The following WWOX variants were observed in gnomAD, a reference collection of about 807,000 sequenced individuals.
The protein encoded by WWOX is WW domain-containing oxidoreductase.
A neutral mutation model predicts 46.2 loss-of-function variants in WWOX; 69 were observed. The observed-to-expected ratio is 1.49, with a 90% CI of 1.23 to 1.82. WWOX has a LOEUF of 1.82. Among genes scored for constraint, WWOX ranks in the 40% most tolerant of loss-of-function variants. The pLI is 0.00. For synonymous variants in WWOX, 359 were observed against 202.6 expected, an observed-to-expected ratio of 1.77 and a Z score of -6.56; for missense variants, 919 against 542.6, an observed-to-expected ratio of 1.69 and a Z score of -6.89.
chr16:78,316,130 A>T (rs2080352053), intron 5 of WWOX, among the ~76,000 whole-genome samples: 1 of 152,046 alleles, frequency 6.6e-6, no homozygotes, highest in African/African-American at 2.4e-5. Flanking sequence ...CTGTGGTCCC[A>T]GCTACTTGGG....
At chr16:78,152,879 C>T (rs1019067731) in intron 4 of WWOX, among the ~76,000 whole-genome samples, 1 of 148,454 alleles carries the variant, frequency 6.7e-6, no homozygotes, top group Non-Finnish European at 1.5e-5. Flanking sequence ...TGAACTGACC[C>T]GTTTCCCACT....
chr16:79,009,788 A>C (rs1190880880), intron 8 of WWOX, among the ~76,000 whole-genome samples: 7 of 152,150 alleles, frequency 4.6e-5, no homozygotes, highest in Non-Finnish European at 1.0e-4. Context: ...GAATGGTGCA[A>C]CCATGGTACA....
chr16:79,138,576 G>C (rs11647803), intron 8 of WWOX, among the ~76,000 whole-genome samples: 33,360 of 152,086 alleles, frequency 0.22, 5,138 homozygotes, highest in African/African-American at 0.43. Context: ...GATTAGGCCC[G>C]TTATTAGGGT....
chr16:78,116,470 G>A (rs935988382), intron 4 of WWOX, among the ~76,000 whole-genome samples: 5 of 152,150 alleles, frequency 3.3e-5, no homozygotes, highest in African/African-American at 1.2e-4. Flanking sequence ...AGGTAAAGAA[G>A]CAAATGGAAA....
At chr16:78,942,706 G>C (rs2045876168) in intron 8 of WWOX, among the ~76,000 whole-genome samples, 1 of 152,156 alleles carries the variant, frequency 6.6e-6, no homozygotes, top group African/African-American at 2.4e-5. Context: ...TTAACTAACT[G>C]AACTTGATGG....
intron 8 of WWOX, among the ~76,000 whole-genome samples, chr16:78,799,687 A>G (rs756088639): frequency 3.3e-5 from 5 of 152,084 alleles, no homozygotes; most frequent in Non-Finnish European, 7.4e-5. Flanking sequence ...CTGCTCTTTT[A>G]TGCTGCCTGC....
At chr16:79,121,958 C>G (rs538184245) in intron 8 of WWOX, among the ~76,000 whole-genome samples, 1 of 152,110 alleles carries the variant, frequency 6.6e-6, no homozygotes, top group Non-Finnish European at 1.5e-5. Flanking sequence ...ACCCTACTTA[C>G]GTGCTACGGA....
chr16:79,125,577 G>A (rs868469334), intron 8 of WWOX, among the ~76,000 whole-genome samples: 25 of 152,148 alleles, frequency 1.6e-4, no homozygotes, highest in African/African-American at 6.0e-4. Flanking sequence ...CCATCCGTGT[G>A]GCAAATGTAG....
intron 8 of WWOX, among the ~76,000 whole-genome samples, chr16:79,151,805 T>A (rs12446803): frequency 0.35 from 53,409 of 152,014 alleles, 9,902 homozygotes; most frequent in East Asian, 0.52. Flanking sequence ...GGCAAGAAAA[T>A]CCATGGCCTC....
intron 8 of WWOX, among the ~76,000 whole-genome samples, chr16:78,766,209 A>C (rs983075481): frequency 6.6e-6 from 1 of 152,192 alleles, no homozygotes; most frequent in African/African-American, 2.4e-5. Flanking sequence ...GGGCTACTCA[A>C]AAAAGGATTC....
At chr16:78,548,384 C>T (rs1395520700) in intron 8 of WWOX, among the ~76,000 whole-genome samples, 4 of 151,984 alleles carry the variant, frequency 2.6e-5, no homozygotes, top group East Asian at 1.9e-4. Flanking sequence ...ATGTGACTCA[C>T]GCAGAGCAGA....
intron 8 of WWOX, among the ~76,000 whole-genome samples, chr16:78,649,382 C>G (rs978955561): frequency 3.9e-5 from 6 of 152,126 alleles, no homozygotes; most frequent in Admixed American, 2.0e-4. Context: ...GTCCCGGGCT[C>G]AAGCGATCTT....
intron 5 of WWOX, among the ~76,000 whole-genome samples, chr16:78,293,910 G>T (rs545172976): frequency 1.6e-3 from 237 of 144,250 alleles, no homozygotes; most frequent in African/African-American, 5.7e-3. Flanking sequence ...CTGGTAGGCA[G>T]AGGTTGCAGT....
intron 8 of WWOX, among the ~76,000 whole-genome samples, chr16:78,554,475 T>A (rs944194733): frequency 3.3e-5 from 5 of 152,138 alleles, no homozygotes; most frequent in African/African-American, 1.2e-4. Flanking sequence ...GATGGGTTGG[T>A]AGAAGTGATA....
intron 8 of WWOX, among the ~76,000 whole-genome samples, chr16:79,085,987 G>C (rs970830149): frequency 6.6e-6 from 1 of 151,980 alleles, no homozygotes; most frequent in Non-Finnish European, 1.5e-5. Context: ...CAGGAGGATC[G>C]CTTGCATCCA....
At chr16:78,776,095 C>G (rs2050183582) in intron 8 of WWOX, among the ~76,000 whole-genome samples, 1 of 152,178 alleles carries the variant, frequency 6.6e-6, no homozygotes. Context: ...TTCCAACTTC[C>G]AAACTTAGAA....
rs889044488 is a variant in WWOX, at chr16:79,212,288, A to G, written c.*492A>G. ...CATTCATCCTGACCAAGACTGAGCC[A>G]GCTTAGCAACTGCTGGGGAGACAAA... On this transcript the variant is annotated 3_prime_UTR_variant, in exon 9 of 9. Transcript: ENST00000566780. 13 of 1,120,004 alleles carry G rather than the reference A, an allele frequency of 1.2e-5. No homozygotes were observed. The highest frequency in any genetic ancestry group is 3.0e-4 in the Middle Eastern group (1 of 3,314). The allele number at this position is 1,120,004 out of a possible 1,614,324, so 69.4% of individuals were successfully genotyped here. A position where few individuals can be genotyped will look rare whatever the true frequency, so the allele number is the denominator to read the frequency against.
intron 5 of WWOX, among the ~76,000 whole-genome samples, chr16:78,377,405 T>C (rs1279772988): frequency 2.6e-5 from 4 of 152,350 alleles, no homozygotes; most frequent in Middle Eastern, 3.4e-3. Context: ...ATAAATATTA[T>C]GACAGAGAAA....
chr16:78,168,680 C>G (rs2035054596), intron 5 of WWOX, among the ~76,000 whole-genome samples: 1 of 152,154 alleles, frequency 6.6e-6, no homozygotes, highest in South Asian at 2.1e-4. Flanking sequence ...TGATTAATTT[C>G]AGGATCCATC....
Sources: allele counts gnomAD v4.1 joint callset (sites outside exome capture counted in the v4.1 genomes callset), GRCh38; gene constraint gnomAD v4.1.1; transcripts MANE v1.5; gene names NCBI Gene and HGNC (gene_info 2026-07-23, HGNC 2026-07-21).